PDE4D: variants seen among roughly 807,000 people sequenced by gnomAD.
PDE4D encodes the protein phosphodiesterase 4D.
Under a neutral mutation model 87.4 loss-of-function variants are expected in PDE4D, and 24 were observed. The ratio of observed to expected loss-of-function variants is 0.27; its 90% CI spans 0.20 to 0.39. The LOEUF is 0.39. PDE4D is among the 10% of genes least tolerant of loss of function. PDE4D has a pLI of 1.00. For missense variants in PDE4D, 714 were observed against 1,041.0 expected (o/e 0.69, Z 4.32); for synonymous variants, 384 against 383.2 (o/e 1.00, Z -0.02).
chr5:59,311,213 A>C (rs1024950523), intron 1 of PDE4D, among the ~76,000 whole-genome samples: 4 of 152,048 alleles, frequency 2.6e-5, no homozygotes, highest in Admixed American at 2.6e-4. Flanking sequence ...ACTCTGATCC[A>C]AGGTATAAGG....
At chr5:59,361,932 TTTGA>T (rs577407208) in intron 1 of PDE4D, among the ~76,000 whole-genome samples, 35 of 152,288 alleles carry the variant, frequency 2.3e-4, no homozygotes, top group Non-Finnish European at 4.6e-4. Context: ...CTTTTTCCTA[TTTGA>T]TTGATTAATT....
intron 2 of PDE4D, among the ~76,000 whole-genome samples, chr5:59,991,560 C>T (rs1763008477): frequency 6.6e-6 from 1 of 151,990 alleles, no homozygotes; most frequent in African/African-American, 2.4e-5. Context: ...CCTTGCTGGT[C>T]TTTAGTCTCC....
intron 2 of PDE4D, among the ~76,000 whole-genome samples, chr5:60,019,218 C>T (rs1293082449): frequency 6.6e-6 from 1 of 152,192 alleles, no homozygotes; most frequent in East Asian, 1.9e-4. Context: ...GAACAACCTG[C>T]TCCTGAATAA....
chr5:59,226,535 T>A (rs1357943761), intron 1 of PDE4D, among the ~76,000 whole-genome samples: 1 of 152,188 alleles, frequency 6.6e-6, no homozygotes, highest in African/African-American at 2.4e-5. Context: ...TATCATTTAA[T>A]CATGCAAGAT....
At chr5:59,597,367 C>T (rs912539418) in intron 1 of PDE4D, among the ~76,000 whole-genome samples, 4 of 152,144 alleles carry the variant, frequency 2.6e-5, no homozygotes, top group Non-Finnish European at 4.4e-5. Flanking sequence ...TCTACATCTA[C>T]ATCCACATCT....
chr5:60,053,604 G>A (rs1770449512), intron 2 of PDE4D, among the ~76,000 whole-genome samples: 1 of 152,118 alleles, frequency 6.6e-6, no homozygotes, highest in African/African-American at 2.4e-5. Context: ...GAAAACCTAG[G>A]CAATACTATT....
intron 1 of PDE4D, among the ~76,000 whole-genome samples, chr5:59,565,832 C>T (rs1231326485): frequency 6.6e-6 from 1 of 152,060 alleles, no homozygotes. Context: ...GGGGCACCTC[C>T]CCTCATATGA....
At chr5:60,479,987 G>A (rs1399333681) in intron 1 of PDE4D, among the ~76,000 whole-genome samples, 1 of 152,194 alleles carries the variant, frequency 6.6e-6, no homozygotes, top group East Asian at 1.9e-4. Flanking sequence ...AAGGGTACTA[G>A]TATAGGCAGT....
At chr5:59,372,798 T>G (rs1258814008) in intron 1 of PDE4D, among the ~76,000 whole-genome samples, 1 of 152,152 alleles carries the variant, frequency 6.6e-6, no homozygotes, top group Non-Finnish European at 1.5e-5. Context: ...ACTGCAGCTG[T>G]CCCATCTCAG....
chr5:60,228,157 G>A (rs369708314), intron 1 of PDE4D, among the ~76,000 whole-genome samples: 47 of 151,800 alleles, frequency 3.1e-4, no homozygotes, highest in African/African-American at 1.0e-3. Flanking sequence ...ATGTACTCTC[G>A]TGGCACCCTA....
chr5:60,514,053 G>A (rs6862789), intron 1 of PDE4D, among the ~76,000 whole-genome samples: 135 of 151,798 alleles, frequency 8.9e-4, no homozygotes, highest in African/African-American at 3.1e-3. Context: ...CCAACAGATG[G>A]TTCTTTGAAA....
At chr5:59,393,175 A>T (rs1216935606) in intron 1 of PDE4D, among the ~76,000 whole-genome samples, 2 of 152,188 alleles carry the variant, frequency 1.3e-5, no homozygotes, top group African/African-American at 2.4e-5. Context: ...ATGGAAAGAA[A>T]TATACTGATT....
At chr5:60,185,950 A>C (rs563594311) in intron 1 of PDE4D, among the ~76,000 whole-genome samples, 73 of 151,762 alleles carry the variant, frequency 4.8e-4, no homozygotes, top group African/African-American at 1.5e-3. Flanking sequence ...AAAAAAAAAA[A>C]CAGATATGAT....
intron 2 of PDE4D, among the ~76,000 whole-genome samples, chr5:60,121,247 C>T (rs182245033): frequency 6.6e-6 from 1 of 151,866 alleles, no homozygotes; most frequent in East Asian, 1.9e-4. Flanking sequence ...AGAACCCTGA[C>T]TAACACACCC....
intron 1 of PDE4D, among the ~76,000 whole-genome samples, chr5:60,518,526 G>T (rs913017507): frequency 7.2e-5 from 11 of 152,226 alleles, no homozygotes; most frequent in African/African-American, 2.7e-4. Context: ...CAGGAAAGAA[G>T]AGGATACTGA....
chr5:59,551,292 T>A (rs995231629), intron 1 of PDE4D, among the ~76,000 whole-genome samples: 28 of 149,410 alleles, frequency 1.9e-4, no homozygotes, highest in African/African-American at 5.1e-4. Flanking sequence ...ATATATTATA[T>A]ATTAATGAAA....
rs935565342 is a variant in PDE4D, at chr5:59,455,839, G to A, written c.456-239871C>T. The stretch of plus-strand genomic sequence containing the variant: ...CCAAATGTGAGACATGGAGTTAAAG[G>A]AGATCATTTTGGAGCTTTAAGATTT... On this transcript the variant is annotated intron_variant, in intron 1 of 14. Transcript: ENST00000340635. Among the ~76,000 whole-genome samples, 3 of 152,350 alleles carry A rather than the reference G, an allele frequency of 2.0e-5. No homozygotes were observed. The South Asian group carries it at 6.2e-4, about 32-fold the overall frequency.
intron 1 of PDE4D, among the ~76,000 whole-genome samples, chr5:60,520,261 T>G (rs1250147494): frequency 1.3e-5 from 2 of 152,174 alleles, no homozygotes; most frequent in Non-Finnish European, 2.9e-5. Context: ...CTATGGTTCC[T>G]CCTGTACCCC....
chr5:59,889,318 C>T (rs1221066296), intron 1 of PDE4D, among the ~76,000 whole-genome samples: 2 of 148,274 alleles, frequency 1.3e-5, no homozygotes, highest in African/African-American at 5.0e-5. Context: ...TAGCTCTTTT[C>T]CTTCTACCTA....
Sources: gnomAD v4.1 joint callset for allele counts (sites outside exome capture counted in the v4.1 genomes callset) on GRCh38, gnomAD v4.1.1 for gene constraint, MANE v1.5 for transcripts, NCBI Gene and HGNC (gene_info 2026-07-23, HGNC 2026-07-21) for gene names.